The following DDX60 variants were observed in gnomAD, a reference collection of about 807,000 sequenced individuals.
DDX60 encodes DExD/H-box helicase 60.
DDX60 carries 165 observed loss-of-function variants against 212.8 expected under a neutral mutation model. The ratio of observed to expected loss-of-function variants is 0.78; its 90% CI spans 0.68 to 0.88. The LOEUF (loss-of-function observed/expected upper bound fraction) is 0.88. Ranked by LOEUF, DDX60 falls within the 40% of genes least tolerant of loss-of-function variation. DDX60 has a pLI of 0.00. For synonymous variants in DDX60, 703 were observed against 685.3 expected (o/e 1.03, Z -0.40); for missense variants, 1,905 against 2,003.9 (o/e 0.95, Z 0.94).
chr4:168,242,310 C>A (rs1733872610), intron 30 of DDX60, among the ~76,000 whole-genome samples: 1 of 152,134 alleles, frequency 6.6e-6, no homozygotes, highest in Non-Finnish European at 1.5e-5. Flanking sequence ...AGAAGAGGAC[C>A]CCCACCCTCC....
chr4:168,272,614 T>C (rs114530150), intron 18 of DDX60, among the ~76,000 whole-genome samples: 164 of 152,328 alleles, frequency 1.1e-3, no homozygotes, highest in African/African-American at 3.7e-3. Flanking sequence ...CTGTCAGAGT[T>C]GTTCCACATC....
Position 168,216,846 on chromosome 4 carries a change from A to C in DDX60, c.*87T>G, listed in dbSNP as rs931506241. On this transcript the variant is annotated 3_prime_UTR_variant, in exon 38 of 38. Transcript: ENST00000393743. ...ATGTATTTCCACTTTATCATAATGT[A>C]TTTCTGGCAAGAAGCATAAGAATCA... 1.3e-6 allele frequency: 1 copy of C among 770,384 alleles called. No homozygotes were observed. Among genetic ancestry groups the C allele is most frequent in the Non-Finnish European group, 2.1e-6 (1 of 478,518 alleles). The allele number at this position is 770,384 out of a possible 1,614,324, so 47.7% of individuals were successfully genotyped here.
chr4:168,255,747 C>T lies in DDX60; in HGVS notation c.3521G>A (p.Arg1174Gln), dbSNP rs768211946. The T allele has an allele frequency of 3.8e-6, 6 of 1,589,714 alleles. No homozygotes were observed. The African/African-American group carries it at 4.1e-5, about 11-fold the overall frequency. Residue 1174 changes from arginine (R) to glutamine (Q), a missense_variant, in exon 26 of 38, where the codon CGA becomes CAA. By Grantham distance (43) the Arg-to-Gln change is conservative (BLOSUM62 1). Transcript: ENST00000393743. ...KEAHVMANKL[R>Q]KVKKSIEKQK... Reference sequence around the variant, plus strand: ...TTTCTCTATGGATTTTTTAACTTTTCGAAGTTTGTTAGCCATGACATGGGC... The same window carrying T: ...TTTCTCTATGGATTTTTTAACTTTTTGAAGTTTGTTAGCCATGACATGGGC...
At chr4:168,231,850 G>C (rs754640342) in intron 33 of DDX60, among the ~76,000 whole-genome samples, 4 of 151,968 alleles carry the variant, frequency 2.6e-5, no homozygotes, top group African/African-American at 7.2e-5. Flanking sequence ...CATAGTACTA[G>C]AAGTCCTAAC....
At chr4:168,235,318 C>G (rs2149495506) in intron 33 of DDX60, among the ~76,000 whole-genome samples, 1 of 152,022 alleles carries the variant, frequency 6.6e-6, no homozygotes, top group African/African-American at 2.4e-5. Context: ...TTTTTTAAAG[C>G]TTTTTGGTGT....
At chr4:168,217,583 A>ATGGC (rs1332173070) in intron 37 of DDX60, among the ~76,000 whole-genome samples, 1 of 152,200 alleles carries the variant, frequency 6.6e-6, no homozygotes, top group East Asian at 1.9e-4. Context: ...GGAATGAATT[A>ATGGC]TGGCTGCAGT....
chr4:168,292,045 CTTTCTT>C, intron 7 of DDX60, 139 bp from the exon 8 acceptor site: 38 of 415,480 alleles, frequency 9.1e-5, no homozygotes, highest in South Asian at 2.5e-4. Context: ...TTCTTTCTTT[CTTTCTT>C]TTTTTTTTTT....
chr4:168,317,057 CAAA>C (rs34647800), intron 1 of DDX60, among the ~76,000 whole-genome samples: 3 of 49,804 alleles, frequency 6.0e-5, no homozygotes. Context: ...GACTCCGTCT[CAAA>C]AAAAAAAAAA....
At position 168,308,178 on chromosome 4, in the gene DDX60, T is replaced by C. The variant is rs755347630; in HGVS notation, c.92A>G (p.Asn31Ser). 6.4e-6 allele frequency: 10 copies of C among 1,557,944 alleles called. No homozygotes were observed. The African/African-American group carries it at 8.3e-5, about 13-fold the overall frequency. ...AAAAAATTCAGATTCAACAAAATCA[T>C]TGAATAAACTGGAATATCTAAAATG... ...MPKAEYSSLF[N>S]DFVESEFFLI... Residue 31 changes from asparagine to serine, a missense_variant, in exon 4 of 38, where the codon AAT becomes AGT. Coordinates refer to ENST00000393743, the MANE Select transcript of DDX60 (RefSeq NM_017631.6).
rs1016321119 is a variant in DDX60 at position 168,284,831 on chromosome 4, C to A, written c.1550G>T (p.Cys517Phe). 5.2e-6 allele frequency: 8 copies of A among 1,537,966 alleles called. No homozygotes were observed. The highest frequency in any genetic ancestry group is 7.1e-6 in the Non-Finnish European group (8 of 1,130,966). Residue 517 changes from cysteine to phenylalanine, a missense_variant, in exon 12 of 38, where the codon TGT becomes TTT. Cys to Phe is a radical substitution (Grantham distance 205, BLOSUM62 -2). Coordinates refer to ENST00000393743, the MANE Select transcript of DDX60 (RefSeq NM_017631.6). ...PLSDDYDRSR[C>F]QFDEKSRDPR... Reference sequence around the variant, plus strand: ...GTCACAGAGCTTACCATCAAACTGACACCTGGACCTGTCATAATCATCACT... The same window carrying A: ...GTCACAGAGCTTACCATCAAACTGAAACCTGGACCTGTCATAATCATCACT...
chr4:168,303,320 C>T (rs77482818), intron 5 of DDX60, among the ~76,000 whole-genome samples: 1 of 148,818 alleles, frequency 6.7e-6, no homozygotes, highest in Admixed American at 6.7e-5. Flanking sequence ...AAAAAAAATA[C>T]TCTTAAGGAA....
intron 28 of DDX60, among the ~76,000 whole-genome samples, chr4:168,249,244 CTG>C (rs1734132459): frequency 6.6e-6 from 1 of 152,092 alleles, no homozygotes; most frequent in South Asian, 2.1e-4. Flanking sequence ...ATTGTCATAA[CTG>C]AGCAGAAAAG....
chr4:168,313,558 C>G (rs890382212), intron 1 of DDX60, among the ~76,000 whole-genome samples: 2 of 152,072 alleles, frequency 1.3e-5, no homozygotes, highest in Non-Finnish European at 1.5e-5. Context: ...CCAAATTGTA[C>G]CAAGCTCAAA....
At chr4:168,306,784 A>G in intron 4 of DDX60, 64 bp from the exon 5 acceptor site, 1 of 1,257,612 alleles carries the variant, frequency 8.0e-7, no homozygotes, top group South Asian at 1.4e-5. Context: ...TAGTTGGCTA[A>G]CACATCATTA....
intron 6 of DDX60, among the ~76,000 whole-genome samples, chr4:168,298,950 C>G (rs1377640372): frequency 6.6e-6 from 1 of 151,810 alleles, no homozygotes; most frequent in Middle Eastern, 3.2e-3. Flanking sequence ...ATCATGAGGT[C>G]AAGAGATTGA....
chr4:168,285,297 A>G (rs932435935), intron 11 of DDX60, 96 bp downstream of exon 11: 1 of 756,866 alleles, frequency 1.3e-6, no homozygotes, highest in African/African-American at 1.8e-5. Flanking sequence ...TACTACATGT[A>G]ATGTACTCTA....
intron 6 of DDX60, among the ~76,000 whole-genome samples, chr4:168,300,539 CA>C (rs919768705): frequency 4.9e-5 from 7 of 142,574 alleles, no homozygotes; most frequent in African/African-American, 7.8e-5. Flanking sequence ...GACTCTGTCT[CA>C]AAAAAAAAAG....
chr4:168,246,700 GT>G, intron 29 of DDX60, 82 bp from the exon 30 acceptor site: 2 of 1,428,820 alleles, frequency 1.4e-6, no homozygotes, highest in Non-Finnish European at 1.9e-6. Context: ...CTTTACTCTG[GT>G]TTGGAGCATG....
intron 3 of DDX60, among the ~76,000 whole-genome samples, chr4:168,309,631 C>A (rs567990145): frequency 6.6e-6 from 1 of 151,638 alleles, no homozygotes; most frequent in Admixed American, 6.6e-5. Flanking sequence ...AAAAGGAAGA[C>A]GAAATATCTA....
Sources: allele counts gnomAD v4.1 joint callset (sites outside exome capture counted in the v4.1 genomes callset), GRCh38; gene constraint gnomAD v4.1.1; transcripts MANE v1.5; gene names NCBI Gene and HGNC (gene_info 2026-07-23, HGNC 2026-07-21).